FSTL5: variants seen among roughly 807,000 people sequenced by gnomAD.
The protein encoded by FSTL5 is follistatin like 5.
FSTL5 carries 62 observed loss-of-function variants against 89.1 expected under a neutral mutation model. The observed-to-expected ratio is 0.70, with a 90% CI of 0.57 to 0.86. FSTL5 has a LOEUF of 0.86. Ranked by LOEUF, FSTL5 falls within the 40% of genes least tolerant of loss-of-function variation. The probability of loss-of-function intolerance (pLI) is 0.00; values close to 1 mark genes in which losing one functional copy is unlikely to be tolerated. For missense variants in FSTL5, 1,057 were observed against 1,001.6 expected, an observed-to-expected ratio of 1.06 and a Z score of -0.75; for synonymous variants, 383 against 346.2, an observed-to-expected ratio of 1.11 and a Z score of -1.18.
intron 5 of FSTL5, among the ~76,000 whole-genome samples, chr4:161,773,701 G>A (rs1002374398): frequency 2.6e-5 from 4 of 152,078 alleles, no homozygotes; most frequent in African/African-American, 9.7e-5. Context: ...AAATGTTGAT[G>A]TGGATGTGGT....
chr4:161,603,411 CTT>C (rs1392155218), intron 7 of FSTL5, among the ~76,000 whole-genome samples: 1 of 152,116 alleles, frequency 6.6e-6, no homozygotes, highest in Non-Finnish European at 1.5e-5. Flanking sequence ...AGAGTTCTCT[CTT>C]TCTCTATTTT....
chr4:161,619,204 G>T (rs1735012798), intron 7 of FSTL5, among the ~76,000 whole-genome samples: 3 of 152,130 alleles, frequency 2.0e-5, no homozygotes, highest in Non-Finnish European at 2.9e-5. Flanking sequence ...ATGGATTAAA[G>T]ACTTAAACGT....
chr4:161,848,039 A>C (rs1731427584), intron 4 of FSTL5, among the ~76,000 whole-genome samples: 1 of 134,572 alleles, frequency 7.4e-6, no homozygotes, highest in South Asian at 2.2e-4. Flanking sequence ...TCCGTCTCAA[A>C]AAAAAAAAAA....
chr4:161,876,300 T>G (rs1018638916), intron 4 of FSTL5, among the ~76,000 whole-genome samples: 4 of 152,190 alleles, frequency 2.6e-5, no homozygotes, highest in African/African-American at 9.7e-5. Flanking sequence ...AATGAATGTT[T>G]GACTGTATTT....
intron 8 of FSTL5, among the ~76,000 whole-genome samples, chr4:161,582,800 C>T (rs773012782): frequency 3.3e-5 from 5 of 152,066 alleles, no homozygotes; most frequent in South Asian, 2.1e-4. Flanking sequence ...GGTGGCAATA[C>T]GTCACAGTCA....
chr4:161,499,405 T>C (rs1052006424), intron 12 of FSTL5, among the ~76,000 whole-genome samples: 8 of 152,158 alleles, frequency 5.3e-5, no homozygotes, highest in Non-Finnish European at 1.2e-4. Flanking sequence ...TTATCTCCTC[T>C]CATAATGTTT....
intron 12 of FSTL5, chr4:161,495,352 T>C (rs1424878548): frequency 1.3e-5 from 2 of 152,176 alleles, no homozygotes; most frequent in African/African-American, 2.4e-5. Context: ...AAGCTTGTTT[T>C]TGAGCCTGTA....
At chr4:161,747,753 T>C (rs1240613738) in intron 6 of FSTL5, among the ~76,000 whole-genome samples, 2 of 152,228 alleles carry the variant, frequency 1.3e-5, no homozygotes, top group Non-Finnish European at 2.9e-5. Context: ...GCAGATGATA[T>C]GCAGCACTCA....
At chr4:161,782,238 A>C (rs1015673192) in intron 4 of FSTL5, among the ~76,000 whole-genome samples, 2 of 152,202 alleles carry the variant, frequency 1.3e-5, no homozygotes, top group African/African-American at 4.8e-5. Flanking sequence ...TTAAGTTTTC[A>C]ACTCATTTGA....
intron 2 of FSTL5, among the ~76,000 whole-genome samples, chr4:162,074,718 G>A (rs1729766020): frequency 6.6e-6 from 1 of 151,610 alleles, no homozygotes; most frequent in Non-Finnish European, 1.5e-5. Context: ...TGGGATGGTT[G>A]AATCAAGCTA....
At chr4:161,597,628 TA>T (rs547231802) in intron 7 of FSTL5, among the ~76,000 whole-genome samples, 11,337 of 146,224 alleles carry the variant, frequency 0.078, 1,389 homozygotes, top group African/African-American at 0.27. Flanking sequence ...TAAAGTATAA[TA>T]AAAAAAATAT....
chr4:161,765,717 C>T (rs953779812), intron 5 of FSTL5, among the ~76,000 whole-genome samples: 1 of 151,992 alleles, frequency 6.6e-6, no homozygotes, highest in Admixed American at 6.6e-5. Context: ...AATCTAAATC[C>T]TGTGAATAAG....
At chr4:162,125,438 A>G (rs1732042007) in intron 1 of FSTL5, among the ~76,000 whole-genome samples, 1 of 152,128 alleles carries the variant, frequency 6.6e-6, no homozygotes. Flanking sequence ...AAAGTAAACT[A>G]TGGTTCTTGA....
intron 7 of FSTL5, among the ~76,000 whole-genome samples, chr4:161,616,510 G>T (rs945200897): frequency 6.6e-6 from 1 of 152,130 alleles, no homozygotes; most frequent in African/African-American, 2.4e-5. Context: ...TTGAGGTTTT[G>T]GGACTCAGAC....
In FSTL5 at chr4:161,779,759, T is replaced by TTATATATATATATATACATATA. The variant is rs1240577419; in HGVS notation, c.410-3686_410-3685insTATATGTATATATATATATATA. Among the ~76,000 whole-genome samples the TTATATATATATATATACATATA allele has an allele frequency of 1.2e-3, 38 of 31,170 alleles. 1 individual carries two copies. The highest frequency in any genetic ancestry group is 1.7e-3 in the Non-Finnish European group (34 of 19,994). 20.4% of individuals were successfully genotyped at this position (31,170 alleles called of 152,430 possible). A position where few individuals can be genotyped will look rare whatever the true frequency, so the allele number is the denominator to read the frequency against. ...ATTTGTCCAAGGATTATTTGTAAAGTTATATATATATATATGTATATATAT... is the reference window on the plus strand; with the variant it reads ...ATTTGTCCAAGGATTATTTGTAAAGTTATATATATATATATACATATATATATATATATATATGTATATATAT... On this transcript the variant is annotated intron_variant, in intron 4 of 15. Coordinates refer to ENST00000306100, the MANE Select transcript of FSTL5 (RefSeq NM_020116.5).
At chr4:161,909,268 A>G (rs1733624449) in intron 4 of FSTL5, among the ~76,000 whole-genome samples, 1 of 152,198 alleles carries the variant, frequency 6.6e-6, no homozygotes, top group Non-Finnish European at 1.5e-5. Flanking sequence ...TAAAGCGGAC[A>G]TAACATAATA....
At chr4:162,052,764 G>C (rs1328704418) in intron 2 of FSTL5, among the ~76,000 whole-genome samples, 6 of 151,804 alleles carry the variant, frequency 4.0e-5, no homozygotes, top group Non-Finnish European at 1.5e-5. Context: ...CAGCATAAAA[G>C]CACACACTTT....
intron 6 of FSTL5, among the ~76,000 whole-genome samples, chr4:161,726,939 A>C (rs191580500): frequency 6.4e-4 from 97 of 150,884 alleles, no homozygotes; most frequent in African/African-American, 1.9e-3. Context: ...ATGTATATGT[A>C]ATTTACATTG....
At chr4:161,499,623 A>T (rs1295588370) in intron 12 of FSTL5, among the ~76,000 whole-genome samples, 1 of 152,196 alleles carries the variant, frequency 6.6e-6, no homozygotes, top group East Asian at 1.9e-4. Flanking sequence ...TTTATAAAGC[A>T]TCTAATATAC....
Sources: gnomAD v4.1 joint callset for allele counts (sites outside exome capture counted in the v4.1 genomes callset) on GRCh38, gnomAD v4.1.1 for gene constraint, MANE v1.5 for transcripts, NCBI Gene and HGNC (gene_info 2026-07-23, HGNC 2026-07-21) for gene names.